Variants in NCBP3 observed in about 807,000 individuals in gnomAD.
NCBP3 encodes nuclear cap binding subunit 3, also known as nuclear cap-binding protein subunit 3.
A neutral mutation model predicts 75.7 loss-of-function variants in NCBP3; 20 were observed. That is an observed-to-expected ratio of 0.26 (90% CI 0.19 to 0.38). The LOEUF is 0.38. Among genes scored for constraint, NCBP3 ranks in the 10% least tolerant of loss-of-function variants. The pLI is 1.00. For synonymous variants in NCBP3, 293 were observed against 290.5 expected, an observed-to-expected ratio of 1.01 and a Z score of -0.09; for missense variants, 678 against 796.9, an observed-to-expected ratio of 0.85 and a Z score of 1.80.
chr17:3,818,510 C>T lies in NCBP3; in HGVS notation c.1063G>A (p.Glu355Lys), dbSNP rs1456032559. The change falls in exon 10 of 13, where the codon GAA becomes AAA. Residue 355 changes from glutamate to lysine, a missense_variant. By Grantham distance (56) the Glu-to-Lys change is moderately conservative. Around this residue, in one of 7 missense-constraint regions of NCBP3, gnomAD observed 365 missense variants for 392.7 expected, o/e 0.93. Coordinates refer to ENST00000389005, the MANE Select transcript of NCBP3 (RefSeq NM_001114118.3). This position sits in a 1 kb window ranked among gnomAD's most constrained non-coding sequence, Gnocchi z 4.7. ...EEEEEEEEEE[E>K]EEEEDQDMDA... is the part of the protein sequence containing the mutation. ...ATGTCCTGGTCTTCTTCTTCCTCTTCCTCTTCCTCCTCCTCCTCCTCTTCC... is the reference window on the plus strand; with the variant it reads ...ATGTCCTGGTCTTCTTCTTCCTCTTTCTCTTCCTCCTCCTCCTCCTCTTCC... The T allele has an allele frequency of 5.6e-6, 9 of 1,612,968 alleles. No homozygotes were observed. Among genetic ancestry groups the T allele is most frequent in the Non-Finnish European group, 5.9e-6 (7 of 1,179,958 alleles).
rs115261956 is a variant in NCBP3 at position 3,840,203 on chromosome 17, T to C, written c.252A>G (p.Glu84=). Residue 84 remains glutamate, a splice_region_variant and synonymous_variant, in exon 3 of 13, where the codon GAA becomes GAG. Transcript: ENST00000389005. ...FITGIDVTSK[E]AIEKKEQRAK... ...CTCGCTGCTCTTTCTTTTCAATTGC[T>C]TCCTAGAAAGTACAGAAAAAGTGAA... 3.1e-4 allele frequency: 483 copies of C among 1,551,450 alleles called. No homozygotes were observed. The African/African-American group carries it at 6.1e-3, about 20-fold the overall frequency.
chr17:3,817,571 G>C (rs182918311), intron 10 of NCBP3, among the ~76,000 whole-genome samples: 1 of 152,244 alleles, frequency 6.6e-6, no homozygotes, highest in African/African-American at 2.4e-5. Flanking sequence ...GGAGTTTGCA[G>C]TGAGCCGAGA....
At chr17:3,835,246 A>G (rs946769977) in intron 3 of NCBP3, among the ~76,000 whole-genome samples, 3 of 152,244 alleles carry the variant, frequency 2.0e-5, no homozygotes, top group African/African-American at 7.2e-5. Context: ...CATGATGAGA[A>G]AGACTGTTCT....
At position 3,811,107 on chromosome 17, in the gene NCBP3, G is replaced by C. The variant is rs1050380257; in HGVS notation, c.*1937C>G. The C allele has an allele frequency of 5.9e-5, 9 of 152,306 alleles. No homozygotes were observed. Among genetic ancestry groups the C allele is most frequent in the African/African-American group, 1.7e-4 (7 of 41,424 alleles). The allele number at this position is 152,306 out of a possible 1,614,324, so 9.4% of individuals were successfully genotyped here. A position where few individuals can be genotyped will look rare whatever the true frequency, so the allele number is the denominator to read the frequency against. On this transcript the variant is annotated 3_prime_UTR_variant, in exon 13 of 13. Coordinates refer to ENST00000389005, the MANE Select transcript of NCBP3 (RefSeq NM_001114118.3). ...CTGCAGTAGAAATTCATGCTGGCGA[G>C]CCCACTGCCGTCACAGCTTGGGAAG...
chr17:3,816,340 CT>C (rs2053532235), intron 10 of NCBP3, 70 bp from the exon 11 acceptor site: 1 of 1,377,654 alleles, frequency 7.3e-7, no homozygotes, highest in Non-Finnish European at 1.0e-6. Flanking sequence ...AAACAACAAT[CT>C]CATACTTTGG....
At chr17:3,838,157 C>T (rs2054007972) in intron 3 of NCBP3, among the ~76,000 whole-genome samples, 1 of 152,132 alleles carries the variant, frequency 6.6e-6, no homozygotes, top group Non-Finnish European at 1.5e-5. Flanking sequence ...CTAAAGAGCT[C>T]CAACAGATGT....
In NCBP3 at chr17:3,836,298, T is replaced by C. The variant is rs368895953; in HGVS notation, c.355+3802A>G. On this transcript the variant is annotated intron_variant, in intron 3 of 12. Coordinates refer to ENST00000389005, the MANE Select transcript of NCBP3 (RefSeq NM_001114118.3). ...AGCCACATTAACTGGGCACCTGCCA[T>C]GTGCCAAGCGCCACTCTATGGACTG... Among the ~76,000 whole-genome samples, 11 of 152,296 alleles carry C rather than the reference T, an allele frequency of 7.2e-5. No homozygotes were observed. In the South Asian group the frequency reaches 1.9e-3, roughly 26 times the overall value.
intron 4 of NCBP3, among the ~76,000 whole-genome samples, chr17:3,826,494 G>A (rs925107542): frequency 6.6e-6 from 1 of 152,006 alleles, no homozygotes; most frequent in African/African-American, 2.4e-5. Flanking sequence ...CAAAAGTCAT[G>A]GTGGCATGAG....
At position 3,817,144 on chromosome 17, in the gene NCBP3, C is replaced by T. The variant is rs141276089; in HGVS notation, c.1311-874G>A. Among the ~76,000 whole-genome samples, 914 of 152,300 alleles carry T rather than the reference C, an allele frequency of 6.0e-3. 8 individuals are homozygous for T. The highest frequency in any genetic ancestry group is 6.2e-3 in the Non-Finnish European group (424 of 68,026). On this transcript the variant is annotated intron_variant, in intron 10 of 12. Transcript: ENST00000389005. ...TACACAGAGCATCCCTAGACTCTAA[C>T]CCTTAGAACTGTGGATTCTGCCTGC...
chr17:3,837,828 T>C (rs1396626863), intron 3 of NCBP3, among the ~76,000 whole-genome samples: 9 of 151,274 alleles, frequency 5.9e-5, no homozygotes, highest in African/African-American at 2.2e-4. Context: ...GGCAGCAGGG[T>C]TCCCCAGGGC....
At chr17:3,845,826 C>A (rs2054154473) in intron 1 of NCBP3, among the ~76,000 whole-genome samples, 2 of 152,146 alleles carry the variant, frequency 1.3e-5, no homozygotes, top group Admixed American at 6.5e-5. Flanking sequence ...CACCCCCCAG[C>A]CCCCTCAACA....
chr17:3,826,012 T>C (rs1206065268), intron 5 of NCBP3, 75 bp downstream of exon 5: 9 of 1,504,240 alleles, frequency 6.0e-6, no homozygotes, highest in Non-Finnish European at 8.0e-6. Context: ...AGATGCTATA[T>C]AGAGCTCTGC....
rs1179683091 is a variant in NCBP3, at chr17:3,813,079, G to A, written c.1828C>T (p.Arg610Trp). 3 of 1,614,022 alleles carry A rather than the reference G, an allele frequency of 1.9e-6. No individual in the cohort carries two copies. Among genetic ancestry groups the A allele is most frequent in the Non-Finnish European group, 2.5e-6 (3 of 1,180,024 alleles). Residue 610 changes from arginine to tryptophan, a missense_variant, in exon 13 of 13, where the codon CGG (arginine) becomes TGG (tryptophan). Around this residue, in one of 7 missense-constraint regions of NCBP3, gnomAD observed 365 missense variants for 392.7 expected, o/e 0.93. Transcript: ENST00000389005. ...GCCTCTGAACCAGAGCTGCTTTCCC[G>A]ACTAACTTCAATCTGGAGAGATGGT... is the stretch of plus-strand genomic sequence containing the variant. Reference protein sequence around the residue: ...NLPSLQIEVSRESSSGSEAES With the variant: ...NLPSLQIEVSWESSSGSEAES
At chr17:3,819,994 C>T (rs1377168492) in intron 9 of NCBP3, among the ~76,000 whole-genome samples, 3 of 152,140 alleles carry the variant, frequency 2.0e-5, no homozygotes, top group Admixed American at 6.5e-5. Flanking sequence ...GCTCTGTCGC[C>T]CAGGTTGGAA....
intron 4 of NCBP3, among the ~76,000 whole-genome samples, chr17:3,826,719 GGAAGGA>G (rs966406260): frequency 6.7e-6 from 1 of 148,782 alleles, no homozygotes; most frequent in Non-Finnish European, 1.5e-5. Context: ...AAGGAAGGAA[GGAAGGA>G]GAGAGAGAGA....
At chr17:3,827,282 G>GT (rs1165773721) in intron 4 of NCBP3, among the ~76,000 whole-genome samples, 2 of 152,326 alleles carry the variant, frequency 1.3e-5, no homozygotes, top group East Asian at 1.9e-4. Flanking sequence ...CACTCAATAT[G>GT]TAAGTATTAG....
rs1464168592 is a variant in NCBP3, at chr17:3,810,530, G to A, written c.*2514C>T. 4 of 152,190 alleles carry A rather than the reference G, an allele frequency of 2.6e-5. No homozygotes were observed. The highest frequency in any genetic ancestry group is 5.9e-5 in the Non-Finnish European group (4 of 68,062). The allele number at this position is 152,190 out of a possible 1,614,324, so 9.4% of individuals were successfully genotyped here. A position where few individuals can be genotyped will look rare whatever the true frequency, so the allele number is the denominator to read the frequency against. Reference sequence around the variant, plus strand: ...TGGGGAGTGTCCAGGGTAAAATCACGCCCAGCTGCCTGCCACGGGCCTGTC... The same window carrying A: ...TGGGGAGTGTCCAGGGTAAAATCACACCCAGCTGCCTGCCACGGGCCTGTC... On this transcript the variant is annotated 3_prime_UTR_variant, in exon 13 of 13. Transcript: ENST00000389005.
rs1229237201 is a variant in NCBP3, at chr17:3,803,634, C to G, written c.*9410G>C. The G allele has an allele frequency of 6.6e-6, 1 of 152,060 alleles. No homozygotes were observed. Among genetic ancestry groups the G allele is most frequent in the Non-Finnish European group, 1.5e-5 (1 of 68,026 alleles). The allele number at this position is 152,060 out of a possible 1,614,324, so 9.4% of individuals were successfully genotyped here. ...AGGGGTGAGGGAGAAGAGGAGGGAA[C>G]GAATGAAAGAGAAAATGTGGCAAAA... On this transcript the variant is annotated 3_prime_UTR_variant, in exon 13 of 13. Transcript: ENST00000389005.
chr17:3,824,854 T>C, intron 7 of NCBP3, 88 bp downstream of exon 7: 1 of 666,470 alleles, frequency 1.5e-6, no homozygotes, highest in Non-Finnish European at 2.4e-6. Flanking sequence ...GATTACTTGA[T>C]CTAACTTCTA....
Sources: allele counts gnomAD v4.1 joint callset (sites outside exome capture counted in the v4.1 genomes callset), GRCh38; gene constraint gnomAD v4.1.1; regional missense constraint gnomAD v4.1.1; non-coding constraint Gnocchi (gnomAD v3.1); transcripts MANE v1.5; gene names NCBI Gene and HGNC (gene_info 2026-07-23, HGNC 2026-07-21).